FSTL4: variants seen among roughly 807,000 people sequenced by gnomAD.
FSTL4 encodes the protein follistatin-related protein 4.
In FSTL4, 28 loss-of-function variants were observed where a neutral mutation model predicts 78.2. That is an observed-to-expected ratio of 0.36 (90% CI 0.27 to 0.49). The LOEUF is 0.49. FSTL4 is among the 20% of genes least tolerant of loss of function. FSTL4 has a pLI of 0.98. For synonymous variants in FSTL4, 422 were observed against 440.5 expected (o/e 0.96, Z 0.53); for missense variants, 922 against 1,084.9 (o/e 0.85, Z 2.11).
At position 133,488,254 on chromosome 5, in the gene FSTL4, C is replaced by T. The variant is rs117048256; in HGVS notation, c.160+78932G>A. ...GCCAAGATAGCTAAGATAATCTTTG[C>T]GACGAGCTCTCTTTTTTTGAGATGG... On this transcript the variant is annotated intron_variant, in intron 3 of 15. Transcript: ENST00000265342. Among the ~76,000 whole-genome samples the T allele has an allele frequency of 5.3e-5, 8 of 150,436 alleles. No homozygotes were observed. In the South Asian group the frequency reaches 6.3e-4, roughly 12 times the overall value.
At chr5:133,282,792 G>A (rs113326084) in intron 6 of FSTL4, among the ~76,000 whole-genome samples, 560 of 152,286 alleles carry the variant, frequency 3.7e-3, no homozygotes, top group Non-Finnish European at 6.7e-3. Context: ...TGTCACCCTT[G>A]CCCTAGTTGT....
At chr5:133,373,299 C>T (rs887745204) in intron 4 of FSTL4, among the ~76,000 whole-genome samples, 1 of 152,236 alleles carries the variant, frequency 6.6e-6, no homozygotes, top group African/African-American at 2.4e-5. Flanking sequence ...CACCAGCCCA[C>T]TGCCTTTTGG....
At chr5:133,664,699 A>G in the FSTL4 span, among the ~76,000 whole-genome samples, 4 of 152,210 alleles carry the variant, frequency 2.6e-5, no homozygotes, top group African/African-American at 9.6e-5. Flanking sequence ...TTAGTTCTCA[A>G]TGAACTAGCT....
intron 2 of FSTL4, among the ~76,000 whole-genome samples, chr5:133,593,097 C>T (rs1322013680): frequency 6.6e-6 from 1 of 152,000 alleles, no homozygotes; most frequent in African/African-American, 2.4e-5. Context: ...AGATGAAGGA[C>T]GACAGAGGAA....
chr5:133,779,735 C>G, the FSTL4 span, among the ~76,000 whole-genome samples: 1 of 152,236 alleles, frequency 6.6e-6, no homozygotes, highest in Non-Finnish European at 1.5e-5. Context: ...CCCTGCCTAA[C>G]TCTCCAGCCT....
chr5:133,737,838 C>T, the FSTL4 span, among the ~76,000 whole-genome samples: 1 of 152,012 alleles, frequency 6.6e-6, no homozygotes, highest in South Asian at 2.1e-4. Context: ...CTCCTGACCT[C>T]GTGATCCACC....
Position 133,400,898 on chromosome 5 carries a change from C to T in FSTL4, c.249G>A (p.Gly83=), listed in dbSNP as rs138110216. ...GSRCVLSRKT[G]EPECQCLEAC... The stretch of plus-strand genomic sequence containing the variant: ...CCTCCAGGCACTGGCATTCGGGCTC[C>T]CCTGTCTTCCTGCTGAGCACGCACC... Residue 83 remains glycine, a synonymous_variant, in exon 4 of 16, where the codon GGG becomes GGA. Transcript: ENST00000265342. 445 of 1,613,732 alleles carry T rather than the reference C, an allele frequency of 2.8e-4. No individual in the cohort carries two copies. Among genetic ancestry groups the T allele is most frequent in the Admixed American group, 5.3e-4 (32 of 60,014 alleles).
At chr5:133,779,458 C>T in the FSTL4 span, among the ~76,000 whole-genome samples, 1 of 152,104 alleles carries the variant, frequency 6.6e-6, no homozygotes, top group African/African-American at 2.4e-5. Context: ...TGGTGGCGGG[C>T]ACCTGTAGTC....
intron 3 of FSTL4, among the ~76,000 whole-genome samples, chr5:133,512,353 C>CA (rs1278517023): frequency 6.6e-6 from 1 of 152,214 alleles, no homozygotes; most frequent in Non-Finnish European, 1.5e-5. Context: ...TGCAGATTCC[C>CA]AAATGACACA....
chr5:133,369,914 A>G (rs1755255930), intron 4 of FSTL4, among the ~76,000 whole-genome samples: 1 of 152,124 alleles, frequency 6.6e-6, no homozygotes, highest in African/African-American at 2.4e-5. Context: ...CACAGGTAGA[A>G]GAGCACCTCC....
chr5:133,298,383 A>G (rs1463598930), intron 6 of FSTL4, among the ~76,000 whole-genome samples: 2 of 152,232 alleles, frequency 1.3e-5, no homozygotes, highest in African/African-American at 2.4e-5. Context: ...CCAACACTCC[A>G]TCGTGGGTGG....
At chr5:133,388,870 C>A (rs13159136) in intron 4 of FSTL4, among the ~76,000 whole-genome samples, 2 of 151,644 alleles carry the variant, frequency 1.3e-5, no homozygotes, top group South Asian at 4.2e-4. Context: ...TTCTCATTCT[C>A]GGTGTATTTG....
At position 133,390,524 on chromosome 5, in the gene FSTL4, G is replaced by A. The variant is rs182775951; in HGVS notation, c.409+10214C>T. The stretch of plus-strand genomic sequence containing the variant: ...GCACAAGCTCACCTACAATCAGGAA[G>A]CATGGGTGGTTCCCGGAGACCCAGG... On this transcript the variant is annotated intron_variant, in intron 4 of 15. Transcript: ENST00000265342. Among the ~76,000 whole-genome samples, 8 of 152,370 alleles carry A rather than the reference G, an allele frequency of 5.3e-5. No individual in the cohort carries two copies. The East Asian group carries it at 1.5e-3, about 29-fold the overall frequency.
the FSTL4 span, among the ~76,000 whole-genome samples, chr5:133,632,221 A>G: frequency 1.3e-5 from 2 of 152,094 alleles, no homozygotes; most frequent in African/African-American, 2.4e-5. Context: ...CAGTTCAAGT[A>G]AAGTATAAGA....
intron 4 of FSTL4, among the ~76,000 whole-genome samples, chr5:133,322,058 C>T (rs1424775877): frequency 1.3e-5 from 2 of 152,186 alleles, no homozygotes; most frequent in East Asian, 3.9e-4. Flanking sequence ...TTGGCTAAGT[C>T]AAGCCTTACA....
chr5:133,768,224 G>A, the FSTL4 span, among the ~76,000 whole-genome samples: 58 of 152,240 alleles, frequency 3.8e-4, 1 homozygote, highest in African/African-American at 1.3e-3. Flanking sequence ...GAGTTGTGAC[G>A]AATCCAACTC....
Position 133,517,422 on chromosome 5 carries a change from CAA to C in FSTL4, c.160+49762_160+49763del, listed in dbSNP as rs34374583. 1.7e-3 allele frequency among the ~76,000 whole-genome samples: 18 copies of C among 10,602 alleles called. No individual in the cohort carries two copies. The South Asian group carries it at 0.026, about 15-fold the overall frequency. 7.0% of individuals were successfully genotyped at this position (10,602 alleles called of 152,430 possible). A position where few individuals can be genotyped will look rare whatever the true frequency, so the allele number is the denominator to read the frequency against. ...TGGGCGACAGAGTGAGACTCCATCT[CAA>C]AAAAAAAAAAAAAAAAAAAAAAAAT... On this transcript the variant is annotated intron_variant, in intron 3 of 15. Coordinates refer to ENST00000265342, the MANE Select transcript of FSTL4 (RefSeq NM_015082.2).
At position 133,511,947 on chromosome 5, in the gene FSTL4, G is replaced by T. The variant is rs545656991; in HGVS notation, c.160+55239C>A. ...GAGCAACCACAGCTGCATGGTGGGAGCCAAATGCTTTGGACCAGTTCCAGT... is the reference window on the plus strand; with the variant it reads ...GAGCAACCACAGCTGCATGGTGGGATCCAAATGCTTTGGACCAGTTCCAGT... On this transcript the variant is annotated intron_variant, in intron 3 of 15. Transcript: ENST00000265342. 2.6e-5 allele frequency among the ~76,000 whole-genome samples: 4 copies of T among 152,236 alleles called. No homozygotes were observed. The East Asian group carries it at 7.7e-4, about 29-fold the overall frequency.
the FSTL4 span, among the ~76,000 whole-genome samples, chr5:133,680,911 G>A: frequency 2.3e-5 from 3 of 128,532 alleles, no homozygotes; most frequent in Non-Finnish European, 5.3e-5. Flanking sequence ...TGCTCTAGGT[G>A]ATGCAGCTCA....
Sources: gnomAD v4.1 joint callset for allele counts (sites outside exome capture counted in the v4.1 genomes callset) on GRCh38, gnomAD v4.1.1 for gene constraint, MANE v1.5 for transcripts, NCBI Gene and HGNC (gene_info 2026-07-23, HGNC 2026-07-21) for gene names.